Variants in PTPRT observed in about 807,000 individuals in gnomAD.
PTPRT encodes protein tyrosine phosphatase receptor type T.
In PTPRT, 56 loss-of-function variants were observed where a neutral mutation model predicts 176.8. That is an observed-to-expected ratio of 0.32 (90% CI 0.26 to 0.40). The LOEUF (loss-of-function observed/expected upper bound fraction) is 0.40. Ranked by LOEUF, PTPRT falls within the 10% of genes least tolerant of loss-of-function variation. The pLI, the probability that PTPRT is intolerant of heterozygous loss-of-function variation, is 1.00. For missense variants in PTPRT, 1,540 were observed against 1,908.2 expected (o/e 0.81, Z 3.60); for synonymous variants, 783 against 739.0 (o/e 1.06, Z -0.96).
At chr20:43,108,372 G>A (rs2012708615) in intron 1 of PTPRT, among the ~76,000 whole-genome samples, 1 of 152,168 alleles carries the variant, frequency 6.6e-6, no homozygotes, top group Non-Finnish European at 1.5e-5. Context: ...TGCCAGCCCA[G>A]TTGAGCCTTT....
intron 7 of PTPRT, among the ~76,000 whole-genome samples, chr20:42,579,622 C>T (rs923744846): frequency 6.6e-6 from 1 of 152,162 alleles, no homozygotes; most frequent in Admixed American, 6.5e-5. Flanking sequence ...GAGATGGTAT[C>T]TCATTGAGGT....
chr20:42,441,688 G>A (rs2059317439), intron 9 of PTPRT, among the ~76,000 whole-genome samples: 1 of 152,286 alleles, frequency 6.6e-6, no homozygotes, highest in Non-Finnish European at 1.5e-5. Context: ...GGTGCCATGC[G>A]GCCTGACCTG....
chr20:42,474,932 A>T (rs1427184852), intron 7 of PTPRT, among the ~76,000 whole-genome samples: 2 of 152,026 alleles, frequency 1.3e-5, no homozygotes, highest in African/African-American at 4.8e-5. Context: ...TACAACAGTC[A>T]CCCACATGGC....
At chr20:42,131,685 T>C (rs945328428) in intron 18 of PTPRT, among the ~76,000 whole-genome samples, 1 of 152,198 alleles carries the variant, frequency 6.6e-6, no homozygotes, top group Admixed American at 6.5e-5. Context: ...GTTGAAGGGA[T>C]TAAGAAAGTG....
At chr20:42,062,276 G>T in the PTPRT span, among the ~76,000 whole-genome samples, 9 of 152,114 alleles carry the variant, frequency 5.9e-5, no homozygotes, top group Middle Eastern at 3.2e-3. Flanking sequence ...GAGATCAACC[G>T]CATTTGTCAG....
At chr20:42,277,111 G>A (rs1006039538) in intron 13 of PTPRT, among the ~76,000 whole-genome samples, 1 of 152,060 alleles carries the variant, frequency 6.6e-6, no homozygotes, top group African/African-American at 2.4e-5. Context: ...CTGCCACCAA[G>A]CAGAACAAAA....
chr20:43,120,550 C>T (rs2013221971), intron 1 of PTPRT, among the ~76,000 whole-genome samples: 1 of 152,202 alleles, frequency 6.6e-6, no homozygotes, highest in Non-Finnish European at 1.5e-5. Flanking sequence ...GGATTGCAGG[C>T]GTGAGCCACC....
At chr20:42,261,532 A>G (rs578181125) in intron 13 of PTPRT, among the ~76,000 whole-genome samples, 103 of 152,186 alleles carry the variant, frequency 6.8e-4, no homozygotes, top group Admixed American at 1.1e-3. Flanking sequence ...ATGGGCTACA[A>G]GCAGGAGCGG....
intron 2 of PTPRT, among the ~76,000 whole-genome samples, chr20:42,841,204 C>T (rs775859339): frequency 1.3e-5 from 2 of 152,212 alleles, no homozygotes; most frequent in African/African-American, 2.4e-5. Context: ...CGACATTCCA[C>T]TCACCAGGAA....
intron 1 of PTPRT, among the ~76,000 whole-genome samples, chr20:43,073,651 T>C (rs766891881): frequency 4.6e-5 from 7 of 151,750 alleles, no homozygotes; most frequent in Non-Finnish European, 8.8e-5. Flanking sequence ...ACCAACCTTA[T>C]AGATACATAT....
At chr20:42,801,193 T>C (rs1569164341) in intron 2 of PTPRT, among the ~76,000 whole-genome samples, 4 of 152,158 alleles carry the variant, frequency 2.6e-5, no homozygotes, top group African/African-American at 9.7e-5. Flanking sequence ...TGCCATCACA[T>C]TATTTTGCTC....
Position 43,159,318 on chromosome 20 carries a change from C to T in PTPRT, c.88+30328G>A, listed in dbSNP as rs568557614. 2.4e-4 allele frequency among the ~76,000 whole-genome samples: 36 copies of T among 152,276 alleles called. 2 individuals are homozygous for T. The East Asian group carries it at 3.3e-3, about 14-fold the overall frequency. ...TGGAGAAAGAGATGCAATTGGAAGT[C>T]GGCTGGTGCATACTGCAGTGGTAAG... On this transcript the variant is annotated intron_variant, in intron 1 of 30. Transcript: ENST00000373187.
rs1491173309 is a variant in PTPRT at position 42,629,188 on chromosome 20, GCT to G, written c.1153+48676_1153+48677del. Among the ~76,000 whole-genome samples the G allele has an allele frequency of 2.7e-5, 4 of 146,854 alleles. No homozygotes were observed. In the East Asian group the frequency reaches 7.8e-4, roughly 29 times the overall value. On this transcript the variant is annotated intron_variant, in intron 7 of 30. Coordinates refer to ENST00000373187, the MANE Select transcript of PTPRT (RefSeq NM_007050.6). ...ATTTGTAAGAAAAGCCAGTGAGGAT[GCT>G]TTTTTTTTTTTTCCTGGTGAAGTAA...
At chr20:42,643,040 G>A (rs2145937581) in intron 7 of PTPRT, among the ~76,000 whole-genome samples, 1 of 152,274 alleles carries the variant, frequency 6.6e-6, no homozygotes, top group Middle Eastern at 3.4e-3. Flanking sequence ...GTCAGACCAG[G>A]TGGACCAAAG....
At position 42,108,941 on chromosome 20, in the gene PTPRT, GTCTT is replaced by G. The variant is rs373540272; in HGVS notation, c.3254+1388_3254+1391del. On this transcript the variant is annotated intron_variant, in intron 23 of 30. Coordinates refer to ENST00000373187, the MANE Select transcript of PTPRT (RefSeq NM_007050.6). Reference sequence around the variant, plus strand: ...TGATGATAAACAAACATTTGCCATTGTCTTTCTTTCTTTCTCCCTAACCCTTGAT... The same window carrying G: ...TGATGATAAACAAACATTTGCCATTGTCTTTCTTTCTCCCTAACCCTTGAT... 4.7e-4 allele frequency among the ~76,000 whole-genome samples: 72 copies of G among 152,304 alleles called. 1 individual carries two copies. Among genetic ancestry groups the G allele is most frequent in the African/African-American group, 1.6e-3 (66 of 41,560 alleles).
At chr20:42,112,290 C>T (rs901687587) in intron 22 of PTPRT, among the ~76,000 whole-genome samples, 1 of 152,128 alleles carries the variant, frequency 6.6e-6, no homozygotes, top group African/African-American at 2.4e-5. Context: ...TGCTCTGAGT[C>T]GTGGCTGCAC....
chr20:42,275,505 C>A (rs1267842536), intron 13 of PTPRT, among the ~76,000 whole-genome samples: 1 of 152,100 alleles, frequency 6.6e-6, no homozygotes, highest in African/African-American at 2.4e-5. Context: ...AAGAGTTAAT[C>A]CTCACTTGTT....
At chr20:42,397,209 C>T (rs1435850799) in intron 9 of PTPRT, among the ~76,000 whole-genome samples, 3 of 152,150 alleles carry the variant, frequency 2.0e-5, no homozygotes, top group African/African-American at 4.8e-5. Flanking sequence ...GAAAATATTG[C>T]GTTAATTAAA....
chr20:42,677,200 C>T (rs1000456844), intron 7 of PTPRT, among the ~76,000 whole-genome samples: 1 of 152,110 alleles, frequency 6.6e-6, no homozygotes, highest in Non-Finnish European at 1.5e-5. Context: ...GCAACAGAAG[C>T]CCCTCGGAGA....
Sources: allele counts gnomAD v4.1 joint callset (sites outside exome capture counted in the v4.1 genomes callset), GRCh38; gene constraint gnomAD v4.1.1; transcripts MANE v1.5; gene names NCBI Gene and HGNC (gene_info 2026-07-23, HGNC 2026-07-21).